The following TPRG1 variants were observed in gnomAD, a reference collection of about 807,000 sequenced individuals.
TPRG1 encodes tumor protein p63-regulated gene 1 protein.
TPRG1 carries 29 observed loss-of-function variants against 29.3 expected under a neutral mutation model. The ratio of observed to expected loss-of-function variants is 0.99; its 90% CI spans 0.74 to 1.35. TPRG1 has a LOEUF of 1.35. TPRG1 is among the 40% of genes most tolerant of loss of function. The pLI is 0.00. For missense variants in TPRG1, 327 were observed against 335.0 expected (o/e 0.98, Z 0.19); for synonymous variants, 130 against 116.8 (o/e 1.11, Z -0.73).
chr3:189,269,298 C>A (rs1407103553), intron 4 of TPRG1, among the ~76,000 whole-genome samples: 2 of 152,164 alleles, frequency 1.3e-5, no homozygotes, highest in Non-Finnish European at 2.9e-5. Context: ...TAAACTGTGA[C>A]TCTCTGTCTC....
chr3:189,047,223 A>C (rs1353940967), intron 4 of TPRG1, among the ~76,000 whole-genome samples: 1 of 152,134 alleles, frequency 6.6e-6, no homozygotes, highest in Non-Finnish European at 1.5e-5. Flanking sequence ...ATTTGCTTCC[A>C]CTCTACTGTC....
intron 3 of TPRG1, among the ~76,000 whole-genome samples, chr3:189,235,802 G>A (rs1363334420): frequency 6.6e-6 from 1 of 152,148 alleles, no homozygotes; most frequent in East Asian, 1.9e-4. Context: ...ACCACTGTTT[G>A]TTGGGTGCAG....
At chr3:189,246,216 A>G (rs1333792220) in intron 4 of TPRG1, among the ~76,000 whole-genome samples, 2 of 152,244 alleles carry the variant, frequency 1.3e-5, no homozygotes, top group Non-Finnish European at 2.9e-5. Context: ...TTTGCTTGCC[A>G]CCATGTAAGA....
At chr3:189,258,202 T>C (rs1238623184) in intron 4 of TPRG1, among the ~76,000 whole-genome samples, 1 of 152,164 alleles carries the variant, frequency 6.6e-6, no homozygotes, top group Non-Finnish European at 1.5e-5. Flanking sequence ...TCATCCTTTT[T>C]TTTTTTATAT....
At chr3:189,231,809 G>T (rs949200623) in intron 3 of TPRG1, among the ~76,000 whole-genome samples, 2 of 152,128 alleles carry the variant, frequency 1.3e-5, no homozygotes, top group South Asian at 2.1e-4. Context: ...GATGATATGT[G>T]CATAGCTACT....
At chr3:189,006,124 G>A (rs1313501509) in intron 3 of TPRG1, among the ~76,000 whole-genome samples, 1 of 151,986 alleles carries the variant, frequency 6.6e-6, no homozygotes, top group Admixed American at 6.6e-5. Context: ...AAACTACGAA[G>A]CGTATTTGAA....
At chr3:189,163,501 T>A (rs1182270310) in intron 5 of TPRG1, among the ~76,000 whole-genome samples, 2 of 152,202 alleles carry the variant, frequency 1.3e-5, no homozygotes, top group East Asian at 3.8e-4. Flanking sequence ...AAGCTTGTTA[T>A]AGCCAATTGT....
intron 5 of TPRG1, among the ~76,000 whole-genome samples, chr3:189,162,029 A>G (rs781755815): frequency 5.3e-5 from 8 of 151,996 alleles, no homozygotes; most frequent in African/African-American, 1.7e-4. Context: ...GTTTCACTCT[A>G]TCACCCAGGC....
intron 3 of TPRG1, among the ~76,000 whole-genome samples, chr3:189,145,868 G>GATGACTTA (rs1299221650): frequency 1.3e-5 from 2 of 152,174 alleles, no homozygotes; most frequent in Admixed American, 1.3e-4. Flanking sequence ...GTACGTTAAT[G>GATGACTTA]ATGACTTAAT....
intron 4 of TPRG1, among the ~76,000 whole-genome samples, chr3:189,049,898 C>G (rs2152138852): frequency 6.6e-6 from 1 of 152,282 alleles, no homozygotes; most frequent in South Asian, 2.1e-4. Context: ...AATAATGACA[C>G]AACCTATCAA....
chr3:189,106,189 T>C (rs1719806204), intron 1 of TPRG1, among the ~76,000 whole-genome samples: 1 of 152,270 alleles, frequency 6.6e-6, no homozygotes, highest in South Asian at 2.1e-4. Flanking sequence ...ATGAGATCAT[T>C]ATGATGACCA....
chr3:189,264,205 G>T (rs1713636659), intron 4 of TPRG1, among the ~76,000 whole-genome samples: 2 of 152,128 alleles, frequency 1.3e-5, no homozygotes, highest in African/African-American at 4.8e-5. Flanking sequence ...TGCCCTTTAA[G>T]TCTCTTCCCT....
intron 1 of TPRG1, among the ~76,000 whole-genome samples, chr3:189,177,485 C>CAT (rs1057008889): frequency 2.0e-5 from 3 of 150,676 alleles, no homozygotes; most frequent in Admixed American, 6.6e-5. Context: ...TATGTATATA[C>CAT]ATATATATGT....
chr3:189,271,919 C>T (rs1330883432), intron 4 of TPRG1, among the ~76,000 whole-genome samples: 3 of 152,200 alleles, frequency 2.0e-5, no homozygotes, highest in Admixed American at 6.5e-5. Flanking sequence ...TAAAAAGCAA[C>T]TACTTTGCTT....
chr3:189,255,878 A>T (rs1369610422), intron 4 of TPRG1, among the ~76,000 whole-genome samples: 1 of 151,814 alleles, frequency 6.6e-6, no homozygotes, highest in Non-Finnish European at 1.5e-5. Flanking sequence ...TCTCCCTTTT[A>T]TCATTTTTTG....
intron 4 of TPRG1, among the ~76,000 whole-genome samples, chr3:189,264,800 C>A (rs546248769): frequency 6.6e-6 from 1 of 152,290 alleles, no homozygotes; most frequent in Non-Finnish European, 1.5e-5. Flanking sequence ...CCTTCCTTCC[C>A]CAAATATTCA....
At chr3:189,174,586 C>T (rs1729239342) in intron 1 of TPRG1, among the ~76,000 whole-genome samples, 1 of 152,182 alleles carries the variant, frequency 6.6e-6, no homozygotes, top group Non-Finnish European at 1.5e-5. Context: ...GACCAGGCTA[C>T]AGGTTAATGG....
chr3:189,280,331 G>T (rs1329494136), intron 4 of TPRG1, among the ~76,000 whole-genome samples: 1 of 103,090 alleles, frequency 9.7e-6, no homozygotes, highest in Non-Finnish European at 1.9e-5. Flanking sequence ...ATGAATGGAA[G>T]ACATTTTAGA....
intron 3 of TPRG1, among the ~76,000 whole-genome samples, chr3:189,227,187 A>G (rs1298773306): frequency 6.6e-6 from 1 of 152,022 alleles, no homozygotes; most frequent in Non-Finnish European, 1.5e-5. Flanking sequence ...TTAGCCAAGC[A>G]GACAGTGGTT....
Sources: allele counts gnomAD v4.1 joint callset (sites outside exome capture counted in the v4.1 genomes callset), GRCh38; gene constraint gnomAD v4.1.1; transcripts MANE v1.5; gene names NCBI Gene and HGNC (gene_info 2026-07-23, HGNC 2026-07-21).